The following ANTXR2 variants were observed in gnomAD, a reference collection of about 807,000 sequenced individuals.
The protein encoded by ANTXR2 is anthrax toxin receptor 2.
A neutral mutation model predicts 73.7 loss-of-function variants in ANTXR2; 44 were observed. The observed-to-expected ratio is 0.60, with a 90% CI of 0.47 to 0.77. ANTXR2 has a LOEUF of 0.77. ANTXR2 is among the 30% of genes least tolerant of loss of function. The pLI, the probability that ANTXR2 is intolerant of heterozygous loss-of-function variation, is 0.00. For synonymous variants in ANTXR2, 217 were observed against 205.9 expected (o/e 1.05, Z -0.46); for missense variants, 604 against 592.5 (o/e 1.02, Z -0.20).
intron 16 of ANTXR2, among the ~76,000 whole-genome samples, chr4:79,925,169 A>G (rs1727735226): frequency 6.6e-6 from 1 of 152,096 alleles, no homozygotes; most frequent in South Asian, 2.1e-4. Flanking sequence ...CTGTATCAGC[A>G]TTTTTATTTA....
intron 7 of ANTXR2, among the ~76,000 whole-genome samples, chr4:80,048,415 A>G (rs7692362): frequency 1.3e-5 from 2 of 151,596 alleles, no homozygotes; most frequent in Admixed American, 1.3e-4. Flanking sequence ...AATCTGATAT[A>G]CAGTTATTCT....
At chr4:80,065,497 T>C (rs865877015) in intron 3 of ANTXR2, among the ~76,000 whole-genome samples, 9 of 152,054 alleles carry the variant, frequency 5.9e-5, no homozygotes, top group Middle Eastern at 3.2e-3. Context: ...GGTGGAGGAA[T>C]GGACTAACAG....
intron 16 of ANTXR2, among the ~76,000 whole-genome samples, chr4:79,924,115 G>T (rs959879130): frequency 6.6e-6 from 1 of 151,998 alleles, no homozygotes; most frequent in Non-Finnish European, 1.5e-5. Context: ...GTAGCCAACA[G>T]GTAGTTTTTC....
At chr4:80,008,682 T>C in intron 11 of ANTXR2, 66 bp from the exon 12 acceptor site, 1 of 1,017,038 alleles carries the variant, frequency 9.8e-7, no homozygotes, top group Non-Finnish European at 1.4e-6. Context: ...CAAATGTATA[T>C]ATATTTTAAG....
chr4:79,913,664 A>C (rs1727234336), intron 16 of ANTXR2, among the ~76,000 whole-genome samples: 2 of 152,140 alleles, frequency 1.3e-5, no homozygotes, highest in African/African-American at 4.8e-5. Flanking sequence ...TCTCCCTATC[A>C]GTTTGCAAAA....
At chr4:80,027,678 A>G (rs1732505369) in intron 10 of ANTXR2, among the ~76,000 whole-genome samples, 1 of 152,204 alleles carries the variant, frequency 6.6e-6, no homozygotes, top group African/African-American at 2.4e-5. Context: ...ACTGTAGGAT[A>G]AGACTCCGGT....
chr4:80,003,535 C>T (rs1019373716), intron 12 of ANTXR2, among the ~76,000 whole-genome samples: 1 of 151,656 alleles, frequency 6.6e-6, no homozygotes, highest in Non-Finnish European at 1.5e-5. Context: ...ACATTGTGCA[C>T]ATGTACCCTA....
chr4:80,072,485 C>T lies in ANTXR2; in HGVS notation c.76G>A (p.Gly26Ser), dbSNP rs747494016. 1.1e-5 allele frequency: 18 copies of T among 1,609,640 alleles called. No homozygotes were observed. Among genetic ancestry groups the T allele is most frequent in the Non-Finnish European group, 1.5e-5 (18 of 1,178,390 alleles). ...TGGGCGCGCAGCAGCCCCCCGGGAC[C>T]GCTGAGCACCAACAGCCACAGCCCG... ...FPGLWLLVLS[G>S]PGGLLRAQEQ... Residue 26 changes from glycine to serine, a missense_variant, in exon 1 of 17, where the codon GGT (glycine) becomes AGT (serine). Coordinates refer to ENST00000403729, the MANE Select transcript of ANTXR2 (RefSeq NM_058172.6).
At chr4:80,066,456 G>T (rs1013433481) in intron 3 of ANTXR2, among the ~76,000 whole-genome samples, 1 of 152,202 alleles carries the variant, frequency 6.6e-6, no homozygotes, top group Non-Finnish European at 1.5e-5. Context: ...TATTTAGGAA[G>T]AGACAGAGGA....
At chr4:79,913,914 A>G (rs1727246118) in intron 16 of ANTXR2, among the ~76,000 whole-genome samples, 1 of 152,206 alleles carries the variant, frequency 6.6e-6, no homozygotes, top group South Asian at 2.1e-4. Flanking sequence ...GTCTGTGCTA[A>G]AAATGTAGTT....
At chr4:79,937,238 CAA>C (rs1728301073) in intron 16 of ANTXR2, among the ~76,000 whole-genome samples, 1 of 152,110 alleles carries the variant, frequency 6.6e-6, no homozygotes, top group African/African-American at 2.4e-5. Flanking sequence ...AGGAAAACCT[CAA>C]AAGATTCACA....
intron 16 of ANTXR2, among the ~76,000 whole-genome samples, chr4:79,910,377 C>T (rs1357975958): frequency 2.6e-5 from 4 of 151,592 alleles, no homozygotes; most frequent in African/African-American, 4.8e-5. Flanking sequence ...GGCGTGGTAG[C>T]GCATGCCTGT....
chr4:79,980,285 A>G (rs1387604988), intron 14 of ANTXR2, among the ~76,000 whole-genome samples: 1 of 152,172 alleles, frequency 6.6e-6, no homozygotes, highest in Non-Finnish European at 1.5e-5. Context: ...TCACTTACTC[A>G]AAGTCTGAAA....
intron 11 of ANTXR2, among the ~76,000 whole-genome samples, chr4:80,016,937 TG>T (rs1731901019): frequency 6.6e-6 from 1 of 152,226 alleles, no homozygotes; most frequent in Non-Finnish European, 1.5e-5. Flanking sequence ...CTCCTCTGGG[TG>T]GGGAAGGATT....
At chr4:80,031,292 G>A (rs1353881318) in intron 10 of ANTXR2, among the ~76,000 whole-genome samples, 12 of 151,748 alleles carry the variant, frequency 7.9e-5, no homozygotes, top group Admixed American at 6.6e-4. Context: ...GCGTGTGCAT[G>A]TGTGTGTGTT....
chr4:79,947,992 G>C (rs1332623562), intron 16 of ANTXR2, among the ~76,000 whole-genome samples: 1 of 152,074 alleles, frequency 6.6e-6, no homozygotes, highest in Non-Finnish European at 1.5e-5. Flanking sequence ...CTAGTTGACT[G>C]TACTCATTTC....
In ANTXR2 at chr4:79,903,384, C is replaced by T. The variant is rs916432415; in HGVS notation, c.*4045G>A. 3.3e-5 allele frequency: 5 copies of T among 151,990 alleles called. No homozygotes were observed. The highest frequency in any genetic ancestry group is 7.4e-5 in the Non-Finnish European group (5 of 68,002). The allele number at this position is 151,990 out of a possible 1,614,324, so 9.4% of individuals were successfully genotyped here. A position where few individuals can be genotyped will look rare whatever the true frequency, so the allele number is the denominator to read the frequency against. On this transcript the variant is annotated 3_prime_UTR_variant, in exon 17 of 17. Transcript: ENST00000403729. Reference sequence around the variant, plus strand: ...TCTCTCTCTCTCTCACACACACACACACAATTTACCTTAATATAGTTATTG... The same window carrying T: ...TCTCTCTCTCTCTCACACACACACATACAATTTACCTTAATATAGTTATTG...
rs575180734 is a variant in ANTXR2 at position 80,042,071 on chromosome 4, TTA to T, written c.637-6041_637-6040del. 2.2e-3 allele frequency among the ~76,000 whole-genome samples: 339 copies of T among 152,198 alleles called. 1 individual carries two copies. Among genetic ancestry groups the T allele is most frequent in the African/African-American group, 7.6e-3 (317 of 41,560 alleles). On this transcript the variant is annotated intron_variant, in intron 7 of 16. Coordinates refer to ENST00000403729, the MANE Select transcript of ANTXR2 (RefSeq NM_058172.6). ...ATACTTAGGGCCCTCTCTCTTATTA[TTA>T]TGTTTCTTTCTTGTCTTACTGTATT...
At chr4:79,991,705 G>T (rs946032141) in intron 12 of ANTXR2, among the ~76,000 whole-genome samples, 142 of 151,996 alleles carry the variant, frequency 9.3e-4, no homozygotes, top group African/African-American at 3.4e-3. Context: ...CAACCTGGAT[G>T]CCCATCAATG....
Sources: allele counts gnomAD v4.1 joint callset (sites outside exome capture counted in the v4.1 genomes callset), GRCh38; gene constraint gnomAD v4.1.1; transcripts MANE v1.5; gene names NCBI Gene and HGNC (gene_info 2026-07-23, HGNC 2026-07-21).